CEP192: variants seen among roughly 807,000 people sequenced by gnomAD.
CEP192 encodes the protein centrosomal protein of 192 kDa.
In CEP192, 151 loss-of-function variants were observed where a neutral mutation model predicts 271.8. That is an observed-to-expected ratio of 0.56 (90% CI 0.49 to 0.64). CEP192 has a LOEUF of 0.64. Ranked by LOEUF, CEP192 falls within the 30% of genes least tolerant of loss-of-function variation. The pLI is 0.00. For synonymous variants in CEP192, 995 were observed against 1,076.5 expected (o/e 0.92, Z 1.48); for missense variants, 2,910 against 3,020.5 (o/e 0.96, Z 0.86).
chr18:13,092,290 A>T, intron 33 of CEP192, 87 bp from the exon 34 acceptor site: 1 of 926,000 alleles, frequency 1.1e-6, no homozygotes, highest in Non-Finnish European at 1.6e-6. Context: ...CTAATATTCT[A>T]TAGCTATAAA....
At chr18:13,069,981 C>G in intron 27 of CEP192, 125 bp downstream of exon 27, 2 of 579,756 alleles carry the variant, frequency 3.4e-6, no homozygotes, top group South Asian at 3.5e-5. Flanking sequence ...GGCAACATGG[C>G]GAAATCCTGT....
At chr18:13,032,776 T>C (rs1270182722) in intron 11 of CEP192, among the ~76,000 whole-genome samples, 2 of 152,184 alleles carry the variant, frequency 1.3e-5, no homozygotes, top group African/African-American at 4.8e-5. Flanking sequence ...CACTGCAGAA[T>C]CACCCTCCCC....
At position 13,015,455 on chromosome 18, in the gene CEP192, C is replaced by T. The variant is rs2034588513; in HGVS notation, c.640+7C>T. On this transcript the variant is annotated splice_region_variant and intron_variant, in intron 6 of 44. Transcript: ENST00000506447. ...AGCTTGGAAGATTCTTCTGGTACTGCAGAGTAACCTGTGTTTCCCTGGTCT... is the reference window on the plus strand; with the variant it reads ...AGCTTGGAAGATTCTTCTGGTACTGTAGAGTAACCTGTGTTTCCCTGGTCT... 6.4e-7 allele frequency: 1 copy of T among 1,550,708 alleles called. No homozygotes were observed. The highest frequency in any genetic ancestry group is 8.7e-7 in the Non-Finnish European group (1 of 1,146,524).
At chr18:13,076,476 A>G (rs1351520574) in intron 30 of CEP192, among the ~76,000 whole-genome samples, 3 of 152,212 alleles carry the variant, frequency 2.0e-5, no homozygotes, top group Non-Finnish European at 1.5e-5. Flanking sequence ...TCAGCCTCCC[A>G]AAGTGCTGGG....
intron 10 of CEP192, 39 bp downstream of exon 10, chr18:13,030,041 A>G (rs1305246826): frequency 2.9e-6 from 4 of 1,359,610 alleles, no homozygotes; most frequent in Non-Finnish European, 4.0e-6. Context: ...AAAGAAATAG[A>G]TGTTCATACA....
chr18:12,999,378 T>G (rs1158250497), intron 1 of CEP192, 43 bp from the exon 2 acceptor site: 36 of 1,342,428 alleles, frequency 2.7e-5, no homozygotes. Flanking sequence ...TAAAAACATT[T>G]TATAGTAATA....
intron 3 of CEP192, among the ~76,000 whole-genome samples, chr18:13,004,330 CA>C (rs1316622601): frequency 6.6e-6 from 1 of 151,530 alleles, no homozygotes; most frequent in East Asian, 1.9e-4. Flanking sequence ...GAAGTTGCTG[CA>C]TGTTTGCGTG....
chr18:13,055,716 A>G (rs913877003), intron 18 of CEP192, 64 bp from the exon 19 acceptor site: 1 of 1,146,236 alleles, frequency 8.7e-7, no homozygotes, highest in Non-Finnish European at 1.2e-6. Context: ...TTTTGCCAGC[A>G]TGTTTCAATT....
chr18:13,006,242 A>C (rs1382759054), intron 3 of CEP192, among the ~76,000 whole-genome samples: 1 of 151,922 alleles, frequency 6.6e-6, no homozygotes, highest in Non-Finnish European at 1.5e-5. Context: ...TTTGGCAATC[A>C]TAATTTTAAT....
intron 44 of CEP192, among the ~76,000 whole-genome samples, chr18:13,120,072 A>AT (rs1006369703): frequency 4.6e-5 from 7 of 152,048 alleles, no homozygotes; most frequent in Non-Finnish European, 8.8e-5. Context: ...GCCTTCACAG[A>AT]TTTTTTTTAA....
intron 15 of CEP192, among the ~76,000 whole-genome samples, chr18:13,043,047 C>T (rs1034932463): frequency 2.6e-5 from 4 of 152,216 alleles, no homozygotes; most frequent in African/African-American, 9.6e-5. Context: ...CTTCCTGTCA[C>T]CGCATGTCCT....
chr18:13,095,726 C>T lies in CEP192; in HGVS notation c.6433+45C>T, dbSNP rs115748643. On this transcript the variant is annotated intron_variant, in intron 35 of 44. Coordinates refer to ENST00000506447, the MANE Select transcript of CEP192 (RefSeq NM_032142.4). ...CACCTCAGAGGTGTGTTCCGGCGTCCGGGCCTGCACTCCCATTGTGCCCAT... is the reference window on the plus strand; with the variant it reads ...CACCTCAGAGGTGTGTTCCGGCGTCTGGGCCTGCACTCCCATTGTGCCCAT... 2,821 of 1,531,630 alleles carry T rather than the reference C, an allele frequency of 1.8e-3. 43 individuals are homozygous for T. The African/African-American group carries it at 0.034, about 19-fold the overall frequency. 94.9% of individuals were successfully genotyped at this position (1,531,630 alleles called of 1,614,324 possible).
At chr18:13,084,434 C>T (rs77308957) in intron 30 of CEP192, among the ~76,000 whole-genome samples, 6,614 of 152,240 alleles carry the variant, frequency 0.043, 216 homozygotes, top group East Asian at 0.14. Flanking sequence ...CCAAGCCAAG[C>T]GCGGGATAAA....
At chr18:12,991,717 G>A (rs2032861285) in intron 1 of CEP192, among the ~76,000 whole-genome samples, 1 of 152,262 alleles carries the variant, frequency 6.6e-6, no homozygotes, top group Non-Finnish European at 1.5e-5. Context: ...AGACTGTTAG[G>A]GGATCACGTC....
In CEP192 at chr18:13,073,118, C is replaced by T. The variant is rs746651716; in HGVS notation, c.5549C>T (p.Ser1850Phe). 2 of 1,613,864 alleles carry T rather than the reference C, an allele frequency of 1.2e-6. No homozygotes were observed. The highest frequency in any genetic ancestry group is 1.3e-5 in the African/African-American group (1 of 75,058). Residue 1850 changes from serine (S) to phenylalanine (F), a missense_variant, in exon 30 of 45, where the codon TCT becomes TTT. Ser to Phe is a radical substitution (Grantham distance 155, BLOSUM62 -2). Transcript: ENST00000506447. ...GTATTATTTGCACCTACTCGATTAT[C>T]TTGCATGTTGGCTAGACTAGAAATC... ...ISVLFAPTRL[S>F]CMLARLEIKQ...
At chr18:13,111,103 G>A (rs1348490666) in intron 40 of CEP192, among the ~76,000 whole-genome samples, 1 of 152,108 alleles carries the variant, frequency 6.6e-6, no homozygotes, top group Non-Finnish European at 1.5e-5. Flanking sequence ...TGATCCAATT[G>A]AGTTGACACC....
chr18:13,013,427 T>C (rs1453918250), intron 5 of CEP192, among the ~76,000 whole-genome samples: 1 of 152,238 alleles, frequency 6.6e-6, no homozygotes, highest in Non-Finnish European at 1.5e-5. Flanking sequence ...TGTTAAATGA[T>C]AGAGAAGCTG....
At chr18:13,010,517 A>T (rs761881014) in intron 4 of CEP192, among the ~76,000 whole-genome samples, 33 of 152,236 alleles carry the variant, frequency 2.2e-4, no homozygotes, top group Non-Finnish European at 3.5e-4. Flanking sequence ...TTTCAGAATT[A>T]AAAACTTTTA....
intron 21 of CEP192, among the ~76,000 whole-genome samples, chr18:13,064,132 G>T (rs750576208): frequency 2.6e-5 from 4 of 151,790 alleles, no homozygotes; most frequent in Admixed American, 6.6e-5. Flanking sequence ...GTGTTTTCTT[G>T]TAGTAGTTTC....
Sources: gnomAD v4.1 joint callset for allele counts (sites outside exome capture counted in the v4.1 genomes callset) on GRCh38, gnomAD v4.1.1 for gene constraint, MANE v1.5 for transcripts, NCBI Gene and HGNC (gene_info 2026-07-23, HGNC 2026-07-21) for gene names.